Variants in RIN2 observed in about 807,000 individuals in gnomAD.
RIN2 encodes the protein RAB5 interacting protein 2.
In RIN2, 36 loss-of-function variants were observed where a neutral mutation model predicts 78.0. That is an observed-to-expected ratio of 0.46 (90% CI 0.35 to 0.61). The LOEUF is 0.61. Ranked by LOEUF, RIN2 falls within the 20% of genes least tolerant of loss-of-function variation. The pLI is 0.00. For synonymous variants in RIN2, 466 were observed against 466.8 expected, an observed-to-expected ratio of 1.00 and a Z score of 0.02; for missense variants, 1,087 against 1,159.7, an observed-to-expected ratio of 0.94 and a Z score of 0.91.
At chr20:19,777,176 A>C (rs2034340549) in intron 1 of RIN2, among the ~76,000 whole-genome samples, 1 of 152,212 alleles carries the variant, frequency 6.6e-6, no homozygotes. Context: ...GAGGTTTAGA[A>C]GAACTGTGTG....
chr20:19,792,988 T>G (rs1019440890), intron 1 of RIN2, among the ~76,000 whole-genome samples: 1 of 151,630 alleles, frequency 6.6e-6, no homozygotes, highest in African/African-American at 2.4e-5. Flanking sequence ...GTTCAGAATA[T>G]AGCATTGTGT....
intron 2 of RIN2, among the ~76,000 whole-genome samples, chr20:19,810,499 G>A (rs1178988044): frequency 6.6e-6 from 1 of 152,014 alleles, no homozygotes; most frequent in Non-Finnish European, 1.5e-5. Context: ...TGGGTCCAGA[G>A]CACCTACCGA....
At chr20:19,785,790 CTTTCAGAGATAAACT>C (rs2034658686) in intron 1 of RIN2, among the ~76,000 whole-genome samples, 1 of 152,178 alleles carries the variant, frequency 6.6e-6, no homozygotes, top group Non-Finnish European at 1.5e-5. Context: ...ATATGTCAAA[CTTTCAGAGATAAACT>C]TTTCAGAGAT....
intron 2 of RIN2, among the ~76,000 whole-genome samples, chr20:19,860,511 C>T (rs1042744579): frequency 1.9e-4 from 29 of 151,918 alleles, no homozygotes; most frequent in African/African-American, 7.0e-4. Flanking sequence ...TTAGTAGAGA[C>T]GGGGTTTCAC....
At chr20:19,775,168 C>T (rs1311157250) in intron 1 of RIN2, among the ~76,000 whole-genome samples, 1 of 152,102 alleles carries the variant, frequency 6.6e-6, no homozygotes, top group Non-Finnish European at 1.5e-5. Context: ...GCATTGGTAG[C>T]AGTTTTCAGA....
At chr20:19,863,553 C>T (rs981351143) in intron 2 of RIN2, among the ~76,000 whole-genome samples, 1 of 152,218 alleles carries the variant, frequency 6.6e-6, no homozygotes, top group African/African-American at 2.4e-5. Flanking sequence ...CACTGCTTAC[C>T]AGCATTACTC....
rs764072860 is a variant in RIN2 at position 19,996,814 on chromosome 20, G to A, written c.2336G>A (p.Arg779Gln). 1.4e-5 allele frequency: 22 copies of A among 1,603,520 alleles called. No individual in the cohort carries two copies. Among genetic ancestry groups the A allele is most frequent in the South Asian group, 3.4e-5 (3 of 89,430 alleles). The change falls in exon 12 of 13, where the codon CGG becomes CAG. Residue 779 changes from arginine to glutamine, a missense_variant. By Grantham distance (43) the Arg-to-Gln change is conservative (BLOSUM62 1). This residue lies in a region of RIN2 where 160 missense variants were observed against 179.4 expected (regional missense o/e 0.89). Transcript: ENST00000255006. ...RQWHKRRTTN[R>Q]TIPSVDDFQN... ...TGGCACAAACGGAGAACCACCAACC[G>A]GACCATCCCCTCTGTGGACGACTTC...
intron 3 of RIN2, among the ~76,000 whole-genome samples, chr20:19,890,654 T>C (rs2038405659): frequency 7.7e-6 from 1 of 129,462 alleles, no homozygotes; most frequent in South Asian, 2.4e-4. Context: ...CCAAAACTGA[T>C]ATATTGTGTC....
chr20:19,785,195 G>C (rs149073345), intron 1 of RIN2, among the ~76,000 whole-genome samples: 1 of 152,018 alleles, frequency 6.6e-6, no homozygotes, highest in Non-Finnish European at 1.5e-5. Context: ...GGCAGACAAC[G>C]TGCAAGCAAA....
chr20:19,805,766 C>T (rs1257004932), intron 2 of RIN2, among the ~76,000 whole-genome samples: 1 of 151,660 alleles, frequency 6.6e-6, no homozygotes, highest in Non-Finnish European at 1.5e-5. Flanking sequence ...ATGTGCAGAA[C>T]ATGAAGGTTT....
At chr20:19,797,889 C>G (rs1313866917) in intron 1 of RIN2, among the ~76,000 whole-genome samples, 2 of 135,572 alleles carry the variant, frequency 1.5e-5, no homozygotes, top group Non-Finnish European at 3.1e-5. Context: ...TGAGATGGAG[C>G]CTTGCTCTGT....
rs142399537 is a variant in RIN2 at position 19,837,169 on chromosome 20, AACACACACACAC to A, written c.-37+37454_-37+37465del. Among the ~76,000 whole-genome samples, 183 of 140,204 alleles carry A rather than the reference AACACACACACAC, an allele frequency of 1.3e-3. 1 individual carries two copies. Among genetic ancestry groups the A allele is most frequent in the African/African-American group, 2.8e-3 (103 of 37,194 alleles). 92.0% of individuals were successfully genotyped at this position (140,204 alleles called of 152,430 possible). On this transcript the variant is annotated intron_variant, in intron 2 of 12. Transcript: ENST00000255006. ...CTGAACATCACACACCGCCCCCCCC[AACACACACACAC>A]ACACACACACACACACACACACACA...
intron 2 of RIN2, among the ~76,000 whole-genome samples, chr20:19,870,942 G>T (rs1302934652): frequency 2.0e-5 from 3 of 152,210 alleles, no homozygotes; most frequent in Non-Finnish European, 4.4e-5. Context: ...CCACTGTGTA[G>T]TTACTATCGG....
chr20:19,776,681 G>A lies in RIN2; in HGVS notation c.-163+18354G>A, dbSNP rs562875349. Among the ~76,000 whole-genome samples, 33 of 151,328 alleles carry A rather than the reference G, an allele frequency of 2.2e-4. 1 individual carries two copies. In the South Asian group the frequency reaches 3.6e-3, roughly 16 times the overall value. ...CAGGAGGTGGAGGCTGCAGTGAGCC[G>A]AGATCACGCCACTGCGCTCCAGCCT... On this transcript the variant is annotated intron_variant, in intron 1 of 12. Coordinates refer to ENST00000255006, the MANE Select transcript of RIN2 (RefSeq NM_018993.4).
chr20:19,901,694 A>G lies in RIN2; in HGVS notation c.57+12036A>G, dbSNP rs2038989388. 2.0e-5 allele frequency among the ~76,000 whole-genome samples: 3 copies of G among 152,314 alleles called. No individual in the cohort carries two copies. The South Asian group carries it at 6.2e-4, about 32-fold the overall frequency. On this transcript the variant is annotated intron_variant, in intron 3 of 12. Transcript: ENST00000255006. Reference sequence around the variant, plus strand: ...TAGGCACAGCCCAGCCTTCTTCCTTATTCAATTACTTTGTAATATTTATGT... The same window carrying G: ...TAGGCACAGCCCAGCCTTCTTCCTTGTTCAATTACTTTGTAATATTTATGT...
At chr20:19,913,561 CTCTA>C (rs1401377574) in intron 3 of RIN2, among the ~76,000 whole-genome samples, 5 of 152,206 alleles carry the variant, frequency 3.3e-5, no homozygotes, top group African/African-American at 1.2e-4. Flanking sequence ...AGAATTGAAA[CTCTA>C]TCTATTAAAT....
chr20:19,905,869 T>C (rs1302233183), intron 3 of RIN2, among the ~76,000 whole-genome samples: 2 of 152,214 alleles, frequency 1.3e-5, no homozygotes, highest in Admixed American at 1.3e-4. Context: ...ATATAATAAT[T>C]CCTAAAATAT....
chr20:19,890,754 A>G (rs2038422164), intron 3 of RIN2, among the ~76,000 whole-genome samples: 1 of 151,332 alleles, frequency 6.6e-6, no homozygotes, highest in African/African-American at 2.4e-5. Context: ...TTACTGAAAT[A>G]AGGAAGAACA....
intron 1 of RIN2, among the ~76,000 whole-genome samples, chr20:19,764,918 GTTTTTTT>G (rs10605325): frequency 0.02 from 995 of 50,422 alleles, 7 homozygotes; most frequent in Admixed American, 0.035. Flanking sequence ...CACTTTCTGC[GTTTTTTT>G]TTTTTTTTTT....
Sources: allele counts gnomAD v4.1 joint callset (sites outside exome capture counted in the v4.1 genomes callset), GRCh38; gene constraint gnomAD v4.1.1; regional missense constraint gnomAD v4.1.1; transcripts MANE v1.5; gene names NCBI Gene and HGNC (gene_info 2026-07-23, HGNC 2026-07-21).